SCTR: variants seen among roughly 807,000 people sequenced by gnomAD.
The protein encoded by SCTR is secretin receptor, also known as pancreatic secretin receptor.
SCTR carries 56 observed loss-of-function variants against 60.8 expected under a neutral mutation model. That is an observed-to-expected ratio of 0.92 (90% confidence interval 0.74 to 1.15). The LOEUF (loss-of-function observed/expected upper bound fraction) is 1.15, where lower values mean the gene tolerates loss of function less well. Among genes scored for constraint, SCTR ranks in the 50% most tolerant of loss-of-function variants. The pLI is 0.00. For synonymous variants in SCTR, 202 were observed against 217.0 expected (o/e 0.93, Z 0.61); for missense variants, 562 against 550.4 (o/e 1.02, Z -0.21).
At chr2:119,466,870 CCTT>C (rs1683855432) in intron 4 of SCTR, among the ~76,000 whole-genome samples, 1 of 152,172 alleles carries the variant, frequency 6.6e-6, no homozygotes, top group Non-Finnish European at 1.5e-5. Context: ...TTGTTAATGT[CCTT>C]CTTAAATAAG....
chr2:119,522,733 C>T (rs1409418701), intron 1 of SCTR, among the ~76,000 whole-genome samples: 1 of 152,096 alleles, frequency 6.6e-6, no homozygotes, highest in Non-Finnish European at 1.5e-5. Context: ...TGGGAGGGTC[C>T]CAAGGAAGGA....
chr2:119,503,052 G>A (rs1400999829), intron 1 of SCTR, among the ~76,000 whole-genome samples: 9 of 150,878 alleles, frequency 6.0e-5, no homozygotes, highest in East Asian at 1.9e-4. Flanking sequence ...CCAGCTACTC[G>A]GGAGGTTGAG....
At chr2:119,461,482 C>T (rs924462987) in intron 7 of SCTR, among the ~76,000 whole-genome samples, 3 of 152,170 alleles carry the variant, frequency 2.0e-5, no homozygotes, top group East Asian at 1.9e-4. Flanking sequence ...GAGGCCGAGG[C>T]GGGCGGATCA....
chr2:119,524,030 A>C, intron 1 of SCTR, 125 bp downstream of exon 1: 6 of 713,012 alleles, frequency 8.4e-6, no homozygotes, highest in Non-Finnish European at 1.5e-5. Flanking sequence ...TTGGGAGGGA[A>C]GAGTCCCTAT....
chr2:119,475,317 C>T (rs1426039292), intron 3 of SCTR, among the ~76,000 whole-genome samples: 1 of 152,202 alleles, frequency 6.6e-6, no homozygotes, highest in Non-Finnish European at 1.5e-5. Context: ...TAAGACAGCG[C>T]GTGCCTAGAG....
chr2:119,521,729 G>T (rs1349339990), intron 1 of SCTR, among the ~76,000 whole-genome samples: 1 of 152,086 alleles, frequency 6.6e-6, no homozygotes, highest in Admixed American at 6.6e-5. Context: ...CCTCAAGGGG[G>T]AGCTTCAAAT....
Position 119,506,271 on chromosome 2 carries a change from G to A in SCTR, c.73-11723C>T, listed in dbSNP as rs183496241. Reference sequence around the variant, plus strand: ...AAACAATCCAGATGTTTTCCAATGGGTAAGCAGTTCAATAAACTGTGGTAC... The same window carrying A: ...AAACAATCCAGATGTTTTCCAATGGATAAGCAGTTCAATAAACTGTGGTAC... On this transcript the variant is annotated intron_variant, in intron 1 of 12. Transcript: ENST00000019103. Among the ~76,000 whole-genome samples the A allele has an allele frequency of 1.1e-4, 17 of 152,216 alleles. 1 individual carries two copies. The East Asian group carries it at 2.7e-3, about 24-fold the overall frequency.
intron 11 of SCTR, among the ~76,000 whole-genome samples, chr2:119,442,021 T>A (rs750174454): frequency 3.3e-5 from 5 of 152,238 alleles, no homozygotes; most frequent in Non-Finnish European, 7.3e-5. Flanking sequence ...AATCTGAATA[T>A]GTTTAAATGT....
intron 4 of SCTR, among the ~76,000 whole-genome samples, chr2:119,472,425 T>C (rs535411592): frequency 6.6e-6 from 1 of 152,212 alleles, no homozygotes; most frequent in East Asian, 1.9e-4. Flanking sequence ...GTGCATGAGA[T>C]TTGAGAGAAA....
intron 9 of SCTR, among the ~76,000 whole-genome samples, chr2:119,449,277 A>G (rs1003549343): frequency 1.3e-5 from 2 of 152,204 alleles, no homozygotes; most frequent in African/African-American, 4.8e-5. Context: ...ACAAGCTCCC[A>G]GGTGATGCTG....
chr2:119,465,881 G>A lies in SCTR; in HGVS notation c.411C>T (p.Ser137=). 1 of 1,612,268 alleles carries A rather than the reference G, an allele frequency of 6.2e-7. No homozygotes were observed. The highest frequency in any genetic ancestry group is 8.5e-7 in the Non-Finnish European group (1 of 1,178,322). ...ACATGACTTTCAGCTTCAGCAGGTA[G>A]GAGTGCTGCAGAGAGAGGCACGTGT... ...VNDSSNEKRH[S]YLLKLKVMYT... Residue 137 remains serine (S), a synonymous_variant, in exon 5 of 13, where the codon TCC becomes TCT. Coordinates refer to ENST00000019103, the MANE Select transcript of SCTR (RefSeq NM_002980.3).
chr2:119,509,632 C>T (rs1366122887), intron 1 of SCTR, among the ~76,000 whole-genome samples: 6 of 152,156 alleles, frequency 3.9e-5, no homozygotes, highest in Non-Finnish European at 7.4e-5. Flanking sequence ...TCTCATCCAA[C>T]AATTCTTTTT....
At chr2:119,472,444 C>A (rs936332882) in intron 4 of SCTR, among the ~76,000 whole-genome samples, 1 of 152,208 alleles carries the variant, frequency 6.6e-6, no homozygotes, top group Non-Finnish European at 1.5e-5. Flanking sequence ...AAGGGCCATC[C>A]TGGGAAAGGA....
At chr2:119,443,790 G>A (rs991589454) in intron 11 of SCTR, among the ~76,000 whole-genome samples, 3 of 152,140 alleles carry the variant, frequency 2.0e-5, no homozygotes, top group African/African-American at 7.2e-5. Context: ...CAGGCAATTC[G>A]CCTGCCTCGG....
chr2:119,494,944 A>G (rs935609361), intron 1 of SCTR, among the ~76,000 whole-genome samples: 2 of 151,612 alleles, frequency 1.3e-5, no homozygotes, highest in African/African-American at 4.9e-5. Context: ...CTTGTTTTCT[A>G]TTTTTCTAGA....
At chr2:119,465,187 A>G (rs1467902489) in intron 5 of SCTR, among the ~76,000 whole-genome samples, 2 of 152,150 alleles carry the variant, frequency 1.3e-5, no homozygotes, top group East Asian at 1.9e-4. Flanking sequence ...AACTCTGAGG[A>G]CTTTTACTGG....
At chr2:119,456,881 G>C (rs565112847) in intron 7 of SCTR, among the ~76,000 whole-genome samples, 1 of 152,250 alleles carries the variant, frequency 6.6e-6, no homozygotes, top group South Asian at 2.1e-4. Flanking sequence ...AAGCAGGAAT[G>C]GGGCTGATGC....
chr2:119,463,188 A>G (rs1306237943), intron 6 of SCTR, among the ~76,000 whole-genome samples: 1 of 152,142 alleles, frequency 6.6e-6, no homozygotes, highest in Non-Finnish European at 1.5e-5. Context: ...CGCCTCTACT[A>G]TAGAGATTGT....
At chr2:119,501,473 A>T (rs529252270) in intron 1 of SCTR, among the ~76,000 whole-genome samples, 1 of 152,034 alleles carries the variant, frequency 6.6e-6, no homozygotes, top group Non-Finnish European at 1.5e-5. Context: ...CCTGCTGGGA[A>T]GGGTGGGGGA....
Sources: allele counts gnomAD v4.1 joint callset (sites outside exome capture counted in the v4.1 genomes callset), GRCh38; gene constraint gnomAD v4.1.1; transcripts MANE v1.5; gene names NCBI Gene and HGNC (gene_info 2026-07-23, HGNC 2026-07-21).